The following GCNT1 variants were observed in gnomAD, a reference collection of about 807,000 sequenced individuals.
GCNT1 encodes the protein glucosaminyl (N-acetyl) transferase 1, also known as beta-1,3-galactosyl-O-glycosyl-glycoprotein beta-1,6-N-acetylglucosaminyltransferase.
Under a neutral mutation model 26.2 loss-of-function variants are expected in GCNT1, and 16 were observed. The observed-to-expected ratio is 0.61, with a 90% CI of 0.41 to 0.93. The LOEUF (loss-of-function observed/expected upper bound fraction) is 0.93. Ranked by LOEUF, GCNT1 falls within the 40% of genes least tolerant of loss-of-function variation. The probability of loss-of-function intolerance (pLI) is 0.00; values close to 1 mark genes in which losing one functional copy is unlikely to be tolerated. For missense variants in GCNT1, 477 were observed against 526.7 expected (o/e 0.91, Z 0.92); for synonymous variants, 183 against 190.8 (o/e 0.96, Z 0.34).
chr9:76,485,280 A>C (rs183804980), intron 2 of GCNT1, among the ~76,000 whole-genome samples: 1 of 151,162 alleles, frequency 6.6e-6, no homozygotes, highest in East Asian at 2.0e-4. Flanking sequence ...TCAAGTGATT[A>C]TCCTGCCTTA....
intron 2 of GCNT1, among the ~76,000 whole-genome samples, chr9:76,468,047 C>T (rs1007070137): frequency 1.3e-5 from 2 of 151,990 alleles, no homozygotes. Context: ...GCTGGGATTA[C>T]AGGCACATGC....
chr9:76,466,267 T>C (rs911777621), intron 2 of GCNT1, among the ~76,000 whole-genome samples: 1 of 152,078 alleles, frequency 6.6e-6, no homozygotes, highest in Non-Finnish European at 1.5e-5. Context: ...CAGATTGAGA[T>C]GGAAGAAATT....
At chr9:76,406,900 G>A in the GCNT1 span, among the ~76,000 whole-genome samples, 1 of 151,934 alleles carries the variant, frequency 6.6e-6, no homozygotes, top group Non-Finnish European at 1.5e-5. Context: ...AATTAGCCGG[G>A]CATGGTGGCT....
chr9:76,432,623 C>T (rs960642185), intron 1 of GCNT1, among the ~76,000 whole-genome samples: 1 of 152,120 alleles, frequency 6.6e-6, no homozygotes, highest in Non-Finnish European at 1.5e-5. Context: ...TACAGGCGTG[C>T]TCCACTGTGC....
At chr9:76,481,673 AAAG>A (rs1288162609) in intron 2 of GCNT1, among the ~76,000 whole-genome samples, 1 of 152,182 alleles carries the variant, frequency 6.6e-6, no homozygotes, top group African/African-American at 2.4e-5. Context: ...GTGATTTAAA[AAAG>A]AAGATATTTC....
chr9:76,493,858 G>T (rs1244101780), intron 2 of GCNT1, among the ~76,000 whole-genome samples: 1 of 152,098 alleles, frequency 6.6e-6, no homozygotes, highest in Non-Finnish European at 1.5e-5. Flanking sequence ...GGATAGTATT[G>T]TAATTTCTAC....
intron 1 of GCNT1, among the ~76,000 whole-genome samples, chr9:76,421,373 G>A (rs1823188451): frequency 6.6e-6 from 1 of 151,936 alleles, no homozygotes; most frequent in African/African-American, 2.4e-5. Context: ...GCCAAGTCGG[G>A]CAGATCACAC....
the GCNT1 span, among the ~76,000 whole-genome samples, chr9:76,410,538 GC>G: frequency 6.6e-6 from 1 of 152,232 alleles, no homozygotes; most frequent in South Asian, 2.1e-4. Context: ...GATTATTTCA[GC>G]CCAGGAGTTC....
In GCNT1 at chr9:76,503,604, T is replaced by C; in HGVS notation, c.1223T>C (p.Leu408Pro). The C allele has an allele frequency of 6.2e-7, 1 of 1,614,160 alleles. No homozygotes were observed. The highest frequency in any genetic ancestry group is 8.5e-7 in the Non-Finnish European group (1 of 1,179,988). The change falls in exon 4 of 4, where the codon CTC (leucine) becomes CCC (proline). Residue 408 changes from leucine to proline, a missense_variant. Leu to Pro is a moderately conservative substitution (Grantham distance 98, BLOSUM62 -3). Transcript: ENST00000376730. ...AATAAGTTTGACGTGGATGTTGACC[T>C]CTTTGCCATCCAGTGTTTGGATGAG... ...FANKFDVDVD[L>P]FAIQCLDEHL...
intron 1 of GCNT1, among the ~76,000 whole-genome samples, chr9:76,430,630 C>T (rs1823326285): frequency 6.6e-6 from 1 of 152,110 alleles, no homozygotes; most frequent in Non-Finnish European, 1.5e-5. Context: ...AAGCCATCCT[C>T]CTTCCTTGGT....
chr9:76,394,113 G>C, the GCNT1 span: 2 of 1,609,046 alleles, frequency 1.2e-6, no homozygotes, highest in African/African-American at 1.3e-5. Context: ...CAGCTGCTTG[G>C]AGCCGCGGCC....
Position 76,505,157 on chromosome 9 carries a change from T to G in GCNT1, c.*1489T>G, listed in dbSNP as rs1825205306. The G allele has an allele frequency of 5.0e-6, 2 of 403,696 alleles. No homozygotes were observed. Among genetic ancestry groups the G allele is most frequent in the East Asian group, 7.3e-5 (2 of 27,420 alleles). 25.0% of individuals were successfully genotyped at this position (403,696 alleles called of 1,614,324 possible). On this transcript the variant is annotated 3_prime_UTR_variant, in exon 4 of 4. Coordinates refer to ENST00000376730, the MANE Select transcript of GCNT1 (RefSeq NM_001490.5). ...ACAAGAATTAAAATCATGTGCTGTA[T>G]TTTTAAAATCTAGCCAAATTAAATA...
chr9:76,456,400 C>A (rs534314740), upstream of GCNT1, among the ~76,000 whole-genome samples: 39 of 152,264 alleles, frequency 2.6e-4, no homozygotes, highest in Admixed American at 1.8e-3. Flanking sequence ...GGTCTGACTC[C>A]CAGCCAACCA....
chr9:76,407,150 G>A, the GCNT1 span, among the ~76,000 whole-genome samples: 1 of 136,964 alleles, frequency 7.3e-6, no homozygotes, highest in Non-Finnish European at 1.6e-5. Context: ...TCCATTTTGA[G>A]TTAATTTTTT....
At chr9:76,432,787 A>G (rs993362902) in intron 1 of GCNT1, among the ~76,000 whole-genome samples, 1 of 152,244 alleles carries the variant, frequency 6.6e-6, no homozygotes, top group Non-Finnish European at 1.5e-5. Flanking sequence ...GCATAAACAT[A>G]GGAACTGGAT....
rs763017487 is a variant in GCNT1 at position 76,505,236 on chromosome 9, CTTTA to C, written c.*1572_*1575del. ...GTTTTAAGGCATTCAACTGAGAAAA[CTTTA>C]TTTGTCAAAGTCAGAAAACATTTTC... On this transcript the variant is annotated 3_prime_UTR_variant, in exon 4 of 4. Coordinates refer to ENST00000376730, the MANE Select transcript of GCNT1 (RefSeq NM_001490.5). 38 of 304,074 alleles carry C rather than the reference CTTTA, an allele frequency of 1.2e-4. No individual in the cohort carries two copies. Among genetic ancestry groups the C allele is most frequent in the South Asian group, 4.9e-4 (3 of 6,078 alleles). The allele number at this position is 304,074 out of a possible 1,614,324, so 18.8% of individuals were successfully genotyped here.
In GCNT1 at chr9:76,503,200, A is replaced by G. The variant is rs1201049634; in HGVS notation, c.819A>G (p.Lys273=). 22 of 1,614,144 alleles carry G rather than the reference A, an allele frequency of 1.4e-5. No homozygotes were observed. The highest frequency in any genetic ancestry group is 1.9e-5 in the Non-Finnish European group (22 of 1,180,024). ...NGKLTNTGTV[K]MLPPLETPLF... Reference sequence around the variant, plus strand: ...AGCTGACAAACACAGGGACTGTCAAAATGCTTCCTCCACTCGAAACACCTC... The same window carrying G: ...AGCTGACAAACACAGGGACTGTCAAGATGCTTCCTCCACTCGAAACACCTC... Residue 273 remains lysine, a synonymous_variant, in exon 4 of 4, where the codon AAA becomes AAG. Coordinates refer to ENST00000376730, the MANE Select transcript of GCNT1 (RefSeq NM_001490.5).
chr9:76,440,478 A>C (rs548559252), upstream of GCNT1, among the ~76,000 whole-genome samples: 107 of 152,286 alleles, frequency 7.0e-4, no homozygotes, highest in African/African-American at 2.5e-3. Flanking sequence ...CAGTGGTACC[A>C]TGTTTCCAGT....
chr9:76,454,219 T>C (rs1315036513), upstream of GCNT1, among the ~76,000 whole-genome samples: 1 of 151,082 alleles, frequency 6.6e-6, no homozygotes, highest in Non-Finnish European at 1.5e-5. Context: ...CGTCTAAAAA[T>C]ACAAAATTAG....
Sources: gnomAD v4.1 joint callset for allele counts (sites outside exome capture counted in the v4.1 genomes callset) on GRCh38, gnomAD v4.1.1 for gene constraint, MANE v1.5 for transcripts, NCBI Gene and HGNC (gene_info 2026-07-23, HGNC 2026-07-21) for gene names.